Variants in JADE1 observed in about 807,000 individuals in gnomAD.
JADE1 encodes the protein protein Jade-1.
A neutral mutation model predicts 81.8 loss-of-function variants in JADE1; 14 were observed. That is an observed-to-expected ratio of 0.17 (90% confidence interval 0.11 to 0.27). The LOEUF (loss-of-function observed/expected upper bound fraction) is 0.27. Ranked by LOEUF, JADE1 falls within the 10% of genes least tolerant of loss-of-function variation. The pLI is 1.00. For synonymous variants in JADE1, 353 were observed against 391.9 expected, an observed-to-expected ratio of 0.90 and a Z score of 1.17; for missense variants, 690 against 1,047.9, an observed-to-expected ratio of 0.66 and a Z score of 4.71.
At chr4:128,863,664 C>T (rs1731553707) in intron 9 of JADE1, 2 of 985,308 alleles carry the variant, frequency 2.0e-6, no homozygotes, top group Non-Finnish European at 2.4e-6. Context: ...TGCTCCCATA[C>T]GCCCCCTGGT....
In JADE1 at chr4:128,867,472, T is replaced by C. The variant is rs148937413; in HGVS notation, c.1504-384T>C. On this transcript the variant is annotated intron_variant, in intron 9 of 10. Transcript: ENST00000226319. ...CATTGGCCATCCAAGTAATAGAAGA[T>C]ATTGATGCAATAATTAGCAAAGTCG... Among the ~76,000 whole-genome samples, 59 of 152,328 alleles carry C rather than the reference T, an allele frequency of 3.9e-4. 1 individual carries two copies. Among genetic ancestry groups the C allele is most frequent in the African/African-American group, 1.3e-3 (54 of 41,588 alleles).
intron 9 of JADE1, chr4:128,862,659 G>T: frequency 2.0e-6 from 2 of 1,015,732 alleles, no homozygotes; most frequent in South Asian, 3.8e-5. Flanking sequence ...AAAATTTCTT[G>T]TTCAGTCCGG....
rs1257085749 is a variant in JADE1, at chr4:128,845,779, T to G, written c.139-596T>G. On this transcript the variant is annotated intron_variant, in intron 3 of 10. Transcript: ENST00000226319. ...TTCTACTAAAAACACAAAAATTAGC[T>G]GGGCGTGGTGGCGTGCACCTGTAAT... 3.3e-5 allele frequency among the ~76,000 whole-genome samples: 5 copies of G among 152,026 alleles called. 1 individual carries two copies. Among genetic ancestry groups the G allele is most frequent in the Non-Finnish European group, 7.4e-5 (5 of 68,000 alleles).
At chr4:128,832,309 A>C (rs1055553670) in intron 2 of JADE1, among the ~76,000 whole-genome samples, 8 of 152,346 alleles carry the variant, frequency 5.3e-5, no homozygotes, top group African/African-American at 1.9e-4. Flanking sequence ...TCTGTATCTC[A>C]GCTCTCTGGC....
At chr4:128,856,140 C>T (rs926966762) in intron 7 of JADE1, among the ~76,000 whole-genome samples, 1 of 152,156 alleles carries the variant, frequency 6.6e-6, no homozygotes, top group Non-Finnish European at 1.5e-5. Context: ...TTAATAGCAC[C>T]TTAGCTCAGA....
chr4:128,841,560 A>G (rs1166994539), intron 2 of JADE1, among the ~76,000 whole-genome samples: 1 of 152,234 alleles, frequency 6.6e-6, no homozygotes, highest in African/African-American at 2.4e-5. Flanking sequence ...AAGAGGCAGA[A>G]CAGGTTTGGG....
At chr4:128,860,634 C>T (rs992671422) in intron 8 of JADE1, among the ~76,000 whole-genome samples, 10 of 152,200 alleles carry the variant, frequency 6.6e-5, no homozygotes, top group Admixed American at 2.6e-4. Flanking sequence ...CCATGAGGAA[C>T]CACCTTCTAG....
In JADE1 at chr4:128,873,640, A is replaced by T. The variant is rs1293899516; in HGVS notation, c.*1378A>T. On this transcript the variant is annotated 3_prime_UTR_variant, in exon 11 of 11. Transcript: ENST00000226319. ...GGAATTCAATGTGGTTGTGAATCAA[A>T]CTTAAGGAAGGAACGTTTAAATAGC... 6.6e-6 allele frequency: 1 copy of T among 152,440 alleles called. No individual in the cohort carries two copies. The highest frequency in any genetic ancestry group is 6.5e-5 in the Admixed American group (1 of 15,280). 9.4% of individuals were successfully genotyped at this position (152,440 alleles called of 1,614,324 possible).
intron 8 of JADE1, 64 bp from the exon 9 acceptor site, chr4:128,861,640 C>T: frequency 6.4e-7 from 1 of 1,551,080 alleles, no homozygotes; most frequent in South Asian, 1.2e-5. Flanking sequence ...CCTAGCACTG[C>T]AGGCCTTCTG....
intron 2 of JADE1, among the ~76,000 whole-genome samples, chr4:128,836,879 C>A (rs1044558124): frequency 6.6e-6 from 1 of 151,932 alleles, no homozygotes; most frequent in South Asian, 2.1e-4. Context: ...CCTGCATCAG[C>A]CCCCTGAGTA....
intron 1 of JADE1, among the ~76,000 whole-genome samples, chr4:128,819,050 T>C (rs1324780471): frequency 6.6e-6 from 1 of 152,164 alleles, no homozygotes; most frequent in Non-Finnish European, 1.5e-5. Context: ...GTTCTCGAAC[T>C]CCTGAGCTCA....
chr4:128,822,328 C>G (rs552513323), intron 1 of JADE1, among the ~76,000 whole-genome samples: 1 of 151,986 alleles, frequency 6.6e-6, no homozygotes, highest in Admixed American at 6.5e-5. Context: ...GATCACGCTC[C>G]TGCACTCCAG....
intron 1 of JADE1, among the ~76,000 whole-genome samples, chr4:128,811,602 T>A (rs1192614116): frequency 1.7e-5 from 2 of 118,418 alleles, no homozygotes; most frequent in Non-Finnish European, 3.3e-5. Flanking sequence ...GGCCGGAGCG[T>A]CACCTAACGG....
rs561285156 is a variant in JADE1 at position 128,819,249 on chromosome 4, T to A, written c.-27+9372T>A. On this transcript the variant is annotated intron_variant, in intron 1 of 10. Coordinates refer to ENST00000226319, the MANE Select transcript of JADE1 (RefSeq NM_199320.4). ...GCTGTGGGTTGTTTTTGTTTCGCTC[T>A]TTTTGCCCAGGCTGGAGTGCAATGG... 2.0e-4 allele frequency among the ~76,000 whole-genome samples: 28 copies of A among 142,056 alleles called. No homozygotes were observed. In the East Asian group the frequency reaches 4.9e-3, roughly 25 times the overall value. 93.2% of individuals were successfully genotyped at this position (142,056 alleles called of 152,430 possible).
At chr4:128,828,099 A>T (rs768069727) in intron 1 of JADE1, among the ~76,000 whole-genome samples, 13 of 152,200 alleles carry the variant, frequency 8.5e-5, no homozygotes, top group African/African-American at 1.9e-4. Flanking sequence ...CTGCCCAACT[A>T]GGCCAGAAGC....
intron 1 of JADE1, among the ~76,000 whole-genome samples, chr4:128,819,120 G>A (rs1727316276): frequency 6.6e-6 from 1 of 152,232 alleles, no homozygotes; most frequent in Admixed American, 6.5e-5. Flanking sequence ...GTAAGACACA[G>A]CAGCTACTTG....
rs537211657 is a variant in JADE1, at chr4:128,824,144, C to T, written c.-26-7589C>T. Among the ~76,000 whole-genome samples, 6 of 152,184 alleles carry T rather than the reference C, an allele frequency of 3.9e-5. No individual in the cohort carries two copies. In the South Asian group the frequency reaches 1.0e-3, roughly 26 times the overall value. ...ACTTAAACAGAAAGGAGTGGCAGGG[C>T]GCGGTGGCTCACGCCTGTAATCCCA... On this transcript the variant is annotated intron_variant, in intron 1 of 10. Transcript: ENST00000226319.
At chr4:128,835,818 T>C (rs534331118) in intron 2 of JADE1, among the ~76,000 whole-genome samples, 1 of 152,336 alleles carries the variant, frequency 6.6e-6, no homozygotes, top group African/African-American at 2.4e-5. Flanking sequence ...TGGAGCCCTT[T>C]GCCTTGTTTT....
chr4:128,842,558 C>T (rs1729530465), intron 2 of JADE1, among the ~76,000 whole-genome samples: 1 of 152,188 alleles, frequency 6.6e-6, no homozygotes, highest in African/African-American at 2.4e-5. Context: ...CCTTGGCTTC[C>T]CAAAGTGCTG....
Sources: allele counts gnomAD v4.1 joint callset (sites outside exome capture counted in the v4.1 genomes callset), GRCh38; gene constraint gnomAD v4.1.1; transcripts MANE v1.5; gene names NCBI Gene and HGNC (gene_info 2026-07-23, HGNC 2026-07-21).